Variants in MED15 observed in about 807,000 individuals in gnomAD.
MED15 encodes mediator complex subunit 15.
MED15 carries 41 observed loss-of-function variants against 118.7 expected under a neutral mutation model. The ratio of observed to expected loss-of-function variants is 0.35; its 90% CI spans 0.27 to 0.45. The LOEUF is 0.45. MED15 is among the 20% of genes least tolerant of loss of function. The probability of loss-of-function intolerance (pLI) is 1.00; values close to 1 mark genes in which losing one functional copy is unlikely to be tolerated. For missense variants in MED15, 740 were observed against 1,025.5 expected (o/e 0.72, Z 3.80); for synonymous variants, 436 against 413.9 (o/e 1.05, Z -0.65).
chr22:20,537,477 A>G (rs1853237793), intron 2 of MED15, among the ~76,000 whole-genome samples: 1 of 152,168 alleles, frequency 6.6e-6, no homozygotes, highest in African/African-American at 2.4e-5. Context: ...TGAATCCTAC[A>G]GGAAGCTTGC....
intron 1 of MED15, among the ~76,000 whole-genome samples, chr22:20,531,729 C>T (rs535226165): frequency 9.2e-5 from 14 of 152,382 alleles, no homozygotes; most frequent in African/African-American, 3.1e-4. Flanking sequence ...TGACTGCCCA[C>T]TGCACACAAA....
chr22:20,522,701 A>C (rs1346511237), intron 1 of MED15: 1 of 152,402 alleles, frequency 6.6e-6, no homozygotes. Context: ...TGAAATTTCC[A>C]ACAGTCAGTG....
chr22:20,537,425 C>T (rs1342054134), intron 2 of MED15, among the ~76,000 whole-genome samples: 1 of 152,192 alleles, frequency 6.6e-6, no homozygotes, highest in Non-Finnish European at 1.5e-5. Context: ...CCTCTGGCCC[C>T]AGACCTCACT....
chr22:20,583,556 A>C, intron 13 of MED15, 163 bp downstream of exon 13: 1 of 790,246 alleles, frequency 1.3e-6, no homozygotes, highest in South Asian at 1.7e-5. Context: ...TGGGGCTTCA[A>C]GCCCAGGCTT....
chr22:20,576,844 C>T (rs1257605037), intron 9 of MED15, among the ~76,000 whole-genome samples: 1 of 152,186 alleles, frequency 6.6e-6, no homozygotes, highest in Non-Finnish European at 1.5e-5. Context: ...TTGGGTTCTG[C>T]ACTCTTGTCT....
chr22:20,567,091 T>G (rs2056472234), intron 7 of MED15, among the ~76,000 whole-genome samples: 1 of 152,206 alleles, frequency 6.6e-6, no homozygotes, highest in Non-Finnish European at 1.5e-5. Flanking sequence ...TGTGGCTGAT[T>G]GCAGCAGTTC....
In MED15 at chr22:20,527,453, G is replaced by A. The variant is rs540276208; in HGVS notation, c.69-9664G>A. Among the ~76,000 whole-genome samples, 507 of 147,792 alleles carry A rather than the reference G, an allele frequency of 3.4e-3. 2 individuals carry two copies. The highest frequency in any genetic ancestry group is 0.013 in the African/African-American group (493 of 38,720). ...TATATATATTATAATAAATTCTACC[G>A]TTTTTTTTGATAAATTTTCACTTTA... On this transcript the variant is annotated intron_variant, in intron 1 of 17. Coordinates refer to ENST00000263205, the MANE Select transcript of MED15 (RefSeq NM_001003891.3).
intron 2 of MED15, among the ~76,000 whole-genome samples, chr22:20,547,747 C>G (rs1450136421): frequency 1.3e-5 from 2 of 152,070 alleles, no homozygotes; most frequent in Non-Finnish European, 2.9e-5. Context: ...TTGCACCACC[C>G]GGGAGGCGGA....
chr22:20,569,172 GTGTGTGTGTCTC>G (rs2056553703), intron 8 of MED15, among the ~76,000 whole-genome samples: 1 of 152,188 alleles, frequency 6.6e-6, no homozygotes, highest in African/African-American at 2.4e-5. Flanking sequence ...TGTGTGGAAT[GTGTGTGTGTCTC>G]TGTGTGTCAC....
At chr22:20,560,501 G>A (rs1453471436) in intron 5 of MED15, among the ~76,000 whole-genome samples, 1 of 152,164 alleles carries the variant, frequency 6.6e-6, no homozygotes, top group Non-Finnish European at 1.5e-5. Context: ...CAGACCTTGT[G>A]ATCTGCCCTC....
At chr22:20,546,778 G>A (rs1412326883) in intron 2 of MED15, among the ~76,000 whole-genome samples, 1 of 151,906 alleles carries the variant, frequency 6.6e-6, no homozygotes, top group African/African-American at 2.4e-5. Flanking sequence ...GTGTCTCTTG[G>A]GGCCCTCACA....
chr22:20,566,632 C>G lies in MED15; in HGVS notation c.856C>G (p.Leu286Val). 1.2e-6 allele frequency: 2 copies of G among 1,614,150 alleles called. No individual in the cohort carries two copies. The highest frequency in any genetic ancestry group is 4.5e-5 in the East Asian group (2 of 44,878). ...GCCACAGCCTCCGCCCTCCCAGGCT[C>G]TGCCCCAGCAGCTGCAGCAGATGCA... The part of the protein sequence containing the change: ...QQPQPPPSQA[L>V]PQQLQQMHHT... Residue 286 changes from leucine to valine, a missense_variant, in exon 7 of 18, where the codon CTG becomes GTG. Coordinates refer to ENST00000263205, the MANE Select transcript of MED15 (RefSeq NM_001003891.3).
At chr22:20,566,030 CTTTTTTTTT>C (rs555771579) in intron 6 of MED15, among the ~76,000 whole-genome samples, 1 of 119,600 alleles carries the variant, frequency 8.4e-6, no homozygotes, top group Non-Finnish European at 1.7e-5. Flanking sequence ...CCAGGAAGGC[CTTTTTTTTT>C]TTTTTTTTTT....
intron 14 of MED15, 124 bp downstream of exon 14, chr22:20,584,549 G>C (rs1202565666): frequency 3.5e-6 from 4 of 1,153,456 alleles, no homozygotes; most frequent in Non-Finnish European, 5.1e-6. Flanking sequence ...CTTGGACCCT[G>C]CCCACGAGGC....
rs368016103 is a variant in MED15, at chr22:20,586,553, A to G, written c.2231-15A>G. 11 of 1,610,636 alleles carry G rather than the reference A, an allele frequency of 6.8e-6. No homozygotes were observed. Among genetic ancestry groups the G allele is most frequent in the East Asian group, 6.7e-5 (3 of 44,820 alleles). Reference sequence around the variant, plus strand: ...CGCCGGCCGCCTTAGGTTCACGCCCACTGCTCTGTTGCAGACGCCAACCCC... The same window carrying G: ...CGCCGGCCGCCTTAGGTTCACGCCCGCTGCTCTGTTGCAGACGCCAACCCC... On this transcript the variant is annotated splice_polypyrimidine_tract_variant and intron_variant, in intron 17 of 17. Transcript: ENST00000263205.
Position 20,566,701 on chromosome 22 carries a change from C to G in MED15, c.925C>G (p.Pro309Ala). ...GCCGCCACCACAGCCCCAGCAGCCT[C>G]CAGTTGCTCAGAACCAACCATCACA... ...HQPPPQPQQP[P>A]VAQNQPSQLP... The change falls in exon 7 of 18, where the codon CCA (proline) becomes GCA (alanine). Residue 309 changes from proline to alanine, a missense_variant. By Grantham distance (27) the Pro-to-Ala change is conservative. This residue lies in a region of MED15 where 384 missense variants were observed against 506.3 expected (regional missense o/e 0.76). Coordinates refer to ENST00000263205, the MANE Select transcript of MED15 (RefSeq NM_001003891.3). 6.2e-7 allele frequency: 1 copy of G among 1,614,182 alleles called. No homozygotes were observed. Among genetic ancestry groups the G allele is most frequent in the African/African-American group, 1.3e-5 (1 of 75,048 alleles).
At chr22:20,527,755 C>T (rs536345953) in intron 1 of MED15, among the ~76,000 whole-genome samples, 1 of 151,928 alleles carries the variant, frequency 6.6e-6, no homozygotes, top group African/African-American at 2.4e-5. Flanking sequence ...GTCAGGAGTT[C>T]GAGACTAGCC....
intron 5 of MED15, among the ~76,000 whole-genome samples, chr22:20,556,195 C>T (rs115069799): frequency 0.017 from 2,529 of 152,232 alleles, 35 homozygotes; most frequent in Middle Eastern, 0.061. Context: ...GCCCTTTACC[C>T]AGCTCTCCCC....
chr22:20,569,038 G>A (rs2056546993), intron 8 of MED15, among the ~76,000 whole-genome samples: 1 of 152,208 alleles, frequency 6.6e-6, no homozygotes, highest in Non-Finnish European at 1.5e-5. Context: ...GGAAGCAGAT[G>A]GGAGCCACAT....
Sources: allele counts gnomAD v4.1 joint callset (sites outside exome capture counted in the v4.1 genomes callset), GRCh38; gene constraint gnomAD v4.1.1; regional missense constraint gnomAD v4.1.1; transcripts MANE v1.5; gene names NCBI Gene and HGNC (gene_info 2026-07-23, HGNC 2026-07-21).